Variants in MAGI2 observed in about 807,000 individuals in gnomAD.
MAGI2 encodes the protein membrane-associated guanylate kinase, WW and PDZ domain-containing protein 2.
A neutral mutation model predicts 133.3 loss-of-function variants in MAGI2; 35 were observed. The ratio of observed to expected loss-of-function variants is 0.26; its 90% CI spans 0.20 to 0.35. The LOEUF is 0.35. Among genes scored for constraint, MAGI2 ranks in the 10% least tolerant of loss-of-function variants. The probability of loss-of-function intolerance (pLI) is 1.00; values close to 1 mark genes in which losing one functional copy is unlikely to be tolerated. For synonymous variants in MAGI2, 729 were observed against 710.6 expected (o/e 1.03, Z -0.41); for missense variants, 1,636 against 1,863.4 (o/e 0.88, Z 2.25).
chr7:78,606,412 A>G (rs79236795), intron 3 of MAGI2, among the ~76,000 whole-genome samples: 1 of 151,446 alleles, frequency 6.6e-6, no homozygotes, highest in East Asian at 2.0e-4. Flanking sequence ...CACTTTGTGA[A>G]GCCAAGCAGA....
intron 2 of MAGI2, among the ~76,000 whole-genome samples, chr7:78,794,415 G>T (rs1011178926): frequency 1.7e-4 from 26 of 152,136 alleles, no homozygotes; most frequent in African/African-American, 6.3e-4. Flanking sequence ...GACTTGTGTG[G>T]TTATAAAATT....
intron 9 of MAGI2, among the ~76,000 whole-genome samples, chr7:78,330,232 G>T (rs17150532): frequency 0.092 from 14,018 of 152,184 alleles, 996 homozygotes; most frequent in African/African-American, 0.19. Context: ...AAATAATTCT[G>T]TAAGGACAAC....
chr7:79,216,061 G>GC (rs1283010166), intron 1 of MAGI2, among the ~76,000 whole-genome samples: 7 of 151,764 alleles, frequency 4.6e-5, no homozygotes. Flanking sequence ...TTCCCTTTTG[G>GC]CCCACCACAT....
intron 2 of MAGI2, among the ~76,000 whole-genome samples, chr7:78,791,378 T>C (rs998134694): frequency 3.3e-5 from 5 of 152,166 alleles, no homozygotes; most frequent in African/African-American, 9.7e-5. Context: ...TTATTATTAA[T>C]GGTATAATTT....
intron 2 of MAGI2, among the ~76,000 whole-genome samples, chr7:78,765,786 A>C (rs1824961989): frequency 6.6e-6 from 1 of 152,182 alleles, no homozygotes; most frequent in African/African-American, 2.4e-5. Flanking sequence ...TAATAACACT[A>C]ACATAAAACT....
chr7:78,586,296 G>A (rs1485347734), intron 3 of MAGI2, among the ~76,000 whole-genome samples: 1 of 152,170 alleles, frequency 6.6e-6, no homozygotes, highest in African/African-American at 2.4e-5. Flanking sequence ...TAGCTTAGCT[G>A]TGATAACTAG....
intron 14 of MAGI2, among the ~76,000 whole-genome samples, chr7:78,172,967 G>C (rs1451797798): frequency 6.6e-6 from 1 of 152,186 alleles, no homozygotes; most frequent in African/African-American, 2.4e-5. Flanking sequence ...AGAGACTTAG[G>C]CTGCTACTTT....
At chr7:78,443,636 T>C (rs1787839867) in intron 6 of MAGI2, among the ~76,000 whole-genome samples, 1 of 152,180 alleles carries the variant, frequency 6.6e-6, no homozygotes, top group Non-Finnish European at 1.5e-5. Context: ...TTCTCTTTTC[T>C]AGAGGAAAAT....
chr7:79,069,566 C>G (rs1458083705), intron 1 of MAGI2, among the ~76,000 whole-genome samples: 1 of 152,066 alleles, frequency 6.6e-6, no homozygotes, highest in Non-Finnish European at 1.5e-5. Flanking sequence ...CTGTCTGTGT[C>G]TTTTAATTGG....
At chr7:79,113,860 G>T (rs1214975771) in intron 1 of MAGI2, among the ~76,000 whole-genome samples, 2 of 151,332 alleles carry the variant, frequency 1.3e-5, no homozygotes, top group Admixed American at 1.3e-4. Context: ...TCATTCATCA[G>T]GGAACTTACC....
At chr7:79,274,674 G>T (rs1208633087) in intron 1 of MAGI2, among the ~76,000 whole-genome samples, 1 of 151,688 alleles carries the variant, frequency 6.6e-6, no homozygotes, top group African/African-American at 2.4e-5. Flanking sequence ...TTGTATTATT[G>T]TGTTTCACTT....
At chr7:78,451,772 A>G (rs1019452967) in intron 6 of MAGI2, among the ~76,000 whole-genome samples, 70 of 152,118 alleles carry the variant, frequency 4.6e-4, no homozygotes, top group African/African-American at 1.6e-3. Context: ...GATGGATGGT[A>G]AAGCTTCTTT....
Position 78,144,033 on chromosome 7 carries a change from A to G in MAGI2, c.2846-8827T>C, listed in dbSNP as rs182176879. ...ACCAATTGCTCTCAATATGATGACA[A>G]TTTAAGAGACTTATAGCAAGCTAAT... On this transcript the variant is annotated intron_variant, in intron 16 of 21. Coordinates refer to ENST00000354212, the MANE Select transcript of MAGI2 (RefSeq NM_012301.4). Among the ~76,000 whole-genome samples the G allele has an allele frequency of 9.2e-5, 14 of 152,004 alleles. No individual in the cohort carries two copies. The East Asian group carries it at 1.9e-3, about 21-fold the overall frequency.
intron 1 of MAGI2, among the ~76,000 whole-genome samples, chr7:79,193,878 A>T (rs369382271): frequency 6.6e-5 from 10 of 151,958 alleles, no homozygotes; most frequent in African/African-American, 2.4e-4. Flanking sequence ...CAAAGAGAGG[A>T]TATGGGAAGA....
At chr7:78,268,611 A>G (rs1047482997) in intron 9 of MAGI2, among the ~76,000 whole-genome samples, 1 of 152,212 alleles carries the variant, frequency 6.6e-6, no homozygotes, top group African/African-American at 2.4e-5. Flanking sequence ...GGTTACATTC[A>G]GACTTGTCTT....
intron 1 of MAGI2, among the ~76,000 whole-genome samples, chr7:79,212,981 T>C (rs1479922337): frequency 6.6e-6 from 1 of 151,938 alleles, no homozygotes; most frequent in Admixed American, 6.6e-5. Context: ...AAATCACTAA[T>C]GGGAAGTGGT....
At chr7:79,136,068 G>GAAGGAAAGAAA (rs1821480191) in intron 1 of MAGI2, among the ~76,000 whole-genome samples, 1 of 94,620 alleles carries the variant, frequency 1.1e-5, no homozygotes, top group Non-Finnish European at 2.0e-5. Context: ...AAAGAAAGAA[G>GAAGGAAAGAAA]GAAAGAAAGA....
chr7:79,164,687 A>G (rs1325870498), intron 1 of MAGI2, among the ~76,000 whole-genome samples: 5 of 152,156 alleles, frequency 3.3e-5, no homozygotes, highest in Middle Eastern at 3.4e-3. Flanking sequence ...ATTTACCTAG[A>G]GCTTGAAAGT....
intron 6 of MAGI2, among the ~76,000 whole-genome samples, 168 bp downstream of exon 6, chr7:78,489,593 G>C (rs952396649): frequency 6.6e-6 from 1 of 151,998 alleles, no homozygotes. Flanking sequence ...AAACCACATG[G>C]CCCTGCTGAA....
Sources: allele counts gnomAD v4.1 joint callset (sites outside exome capture counted in the v4.1 genomes callset), GRCh38; gene constraint gnomAD v4.1.1; transcripts MANE v1.5; gene names NCBI Gene and HGNC (gene_info 2026-07-23, HGNC 2026-07-21).